EIF2AK3: variants seen among roughly 807,000 people sequenced by gnomAD.
EIF2AK3 encodes eukaryotic translation initiation factor 2 alpha kinase 3, also known as eukaryotic translation initiation factor 2-alpha kinase 3.
In EIF2AK3, 50 loss-of-function variants were observed where a neutral mutation model predicts 113.5. The ratio of observed to expected loss-of-function variants is 0.44; its 90% confidence interval spans 0.35 to 0.56. The LOEUF is 0.56. EIF2AK3 is among the 20% of genes least tolerant of loss of function. EIF2AK3 has a pLI of 0.00. For missense variants in EIF2AK3, 1,185 were observed against 1,378.0 expected (o/e 0.86, Z 2.22); for synonymous variants, 448 against 495.4 (o/e 0.90, Z 1.27).
chr2:88,615,620 G>T (rs1275345701), intron 1 of EIF2AK3, among the ~76,000 whole-genome samples: 1 of 152,040 alleles, frequency 6.6e-6, no homozygotes, highest in East Asian at 1.9e-4. Context: ...GAGAAATAAA[G>T]GTCTGTTGTC....
At chr2:88,597,484 C>A (rs1016147146) in intron 2 of EIF2AK3, among the ~76,000 whole-genome samples, 1 of 152,180 alleles carries the variant, frequency 6.6e-6, no homozygotes, top group African/African-American at 2.4e-5. Context: ...AGAGGACATT[C>A]AAAGTCCTCT....
chr2:88,600,295 C>T (rs1168773694), intron 2 of EIF2AK3, among the ~76,000 whole-genome samples: 2 of 152,108 alleles, frequency 1.3e-5, no homozygotes, highest in East Asian at 3.9e-4. Context: ...GATGACATCA[C>T]CCTTCACAAT....
intron 2 of EIF2AK3, 71 bp downstream of exon 2, chr2:88,613,653 A>G: frequency 6.3e-7 from 1 of 1,585,666 alleles, no homozygotes; most frequent in South Asian, 1.1e-5. Flanking sequence ...ATAGGGCCCC[A>G]AACTTCTTAA....
At position 88,626,110 on chromosome 2, in the gene EIF2AK3, G is replaced by A. The variant is rs575025538; in HGVS notation, c.308+857C>T. Among the ~76,000 whole-genome samples the A allele has an allele frequency of 2.0e-5, 3 of 152,198 alleles. No homozygotes were observed. In the South Asian group the frequency reaches 6.2e-4, roughly 32 times the overall value. On this transcript the variant is annotated intron_variant, in intron 1 of 16. Coordinates refer to ENST00000303236, the MANE Select transcript of EIF2AK3 (RefSeq NM_004836.7). ...CTTTCTCCACGGGTGTGATAAGATT[G>A]GCTGTCCCCCAAATTTACTGTTAAC...
intron 7 of EIF2AK3, 94 bp from the exon 8 acceptor site, chr2:88,588,198 T>G: frequency 1.2e-6 from 1 of 818,666 alleles, no homozygotes; most frequent in Non-Finnish European, 1.8e-6. Flanking sequence ...TTGAATAAAC[T>G]GATATTCAAC....
chr2:88,625,032 GGA>G (rs1451213952), intron 1 of EIF2AK3: 2 of 152,106 alleles, frequency 1.3e-5, no homozygotes, highest in Non-Finnish European at 2.9e-5. Flanking sequence ...CTGGCACTCA[GGA>G]TACTCTACCC....
At chr2:88,582,571 CA>C (rs1238077726) in intron 10 of EIF2AK3, among the ~76,000 whole-genome samples, 1 of 152,094 alleles carries the variant, frequency 6.6e-6, no homozygotes, top group Non-Finnish European at 1.5e-5. Context: ...GTAATTGTCA[CA>C]AGTATTTCCT....
intron 1 of EIF2AK3, among the ~76,000 whole-genome samples, chr2:88,618,605 C>T (rs1288141408): frequency 6.6e-6 from 1 of 152,164 alleles, no homozygotes; most frequent in African/African-American, 2.4e-5. Context: ...AACAAGCACC[C>T]CAGGTGAGTC....
At chr2:88,561,926 AAG>A (rs879258418) in intron 15 of EIF2AK3, among the ~76,000 whole-genome samples, 8 of 152,236 alleles carry the variant, frequency 5.3e-5, no homozygotes, top group Non-Finnish European at 1.0e-4. Flanking sequence ...TTTGAGAGGA[AAG>A]AAACCTAATT....
chr2:88,624,288 A>T (rs1403370284), intron 1 of EIF2AK3, among the ~76,000 whole-genome samples: 1 of 152,040 alleles, frequency 6.6e-6, no homozygotes, highest in East Asian at 1.9e-4. Context: ...CAATGCGCCC[A>T]GCCCCTTTCA....
intron 4 of EIF2AK3, 130 bp downstream of exon 4, chr2:88,593,141 CA>C: frequency 8.2e-6 from 9 of 1,099,026 alleles, no homozygotes; most frequent in Admixed American, 2.6e-5. Context: ...GACTCCGTAT[CA>C]AAAAAATATA....
chr2:88,626,358 T>C (rs1675858599), intron 1 of EIF2AK3, among the ~76,000 whole-genome samples: 1 of 152,204 alleles, frequency 6.6e-6, no homozygotes, highest in African/African-American at 2.4e-5. Flanking sequence ...CCGGCGTGCT[T>C]GTTAAACACG....
At chr2:88,597,352 A>G (rs765135728) in intron 2 of EIF2AK3, among the ~76,000 whole-genome samples, 3 of 152,152 alleles carry the variant, frequency 2.0e-5, no homozygotes, top group Non-Finnish European at 2.9e-5. Flanking sequence ...TTAATCTTCT[A>G]TGTATCTTCC....
intron 2 of EIF2AK3, among the ~76,000 whole-genome samples, chr2:88,605,574 ACT>A (rs1373796233): frequency 2.6e-5 from 4 of 152,116 alleles, no homozygotes; most frequent in African/African-American, 9.7e-5. Context: ...TAACATAAAA[ACT>A]CTAACGGATT....
upstream of EIF2AK3, chr2:88,627,582 G>A (rs1675905712): frequency 3.0e-6 from 1 of 332,242 alleles, no homozygotes; most frequent in Non-Finnish European, 5.4e-6. Context: ...TTTCCCTGGT[G>A]GTCAACATCG....
intron 11 of EIF2AK3, among the ~76,000 whole-genome samples, chr2:88,577,657 G>A (rs1674496881): frequency 6.6e-6 from 1 of 152,150 alleles, no homozygotes; most frequent in Non-Finnish European, 1.5e-5. Context: ...GGGATTACAA[G>A]CGTGAGCCAC....
At chr2:88,583,908 C>CA (rs1231912843) in intron 9 of EIF2AK3, among the ~76,000 whole-genome samples, 9 of 147,710 alleles carry the variant, frequency 6.1e-5, no homozygotes, top group Admixed American at 6.0e-4. Flanking sequence ...AGCAAACAAA[C>CA]AAAAAACCCA....
At chr2:88,568,478 G>A (rs10167879) in intron 14 of EIF2AK3, among the ~76,000 whole-genome samples, 22,703 of 152,158 alleles carry the variant, frequency 0.15, 2,916 homozygotes, top group African/African-American at 0.35. Flanking sequence ...CTTAGCAGTA[G>A]AAATTATTAA....
chr2:88,568,597 A>G (rs965482904), intron 14 of EIF2AK3, among the ~76,000 whole-genome samples: 6 of 151,966 alleles, frequency 3.9e-5, no homozygotes, highest in Admixed American at 3.3e-4. Context: ...GTTGTCTCCA[A>G]GTTTGATACC....
Sources: gnomAD v4.1 joint callset for allele counts (sites outside exome capture counted in the v4.1 genomes callset) on GRCh38, gnomAD v4.1.1 for gene constraint, MANE v1.5 for transcripts, NCBI Gene and HGNC (gene_info 2026-07-23, HGNC 2026-07-21) for gene names.